Variants in RORA observed in about 807,000 individuals in gnomAD.
The protein encoded by RORA is nuclear receptor ROR-alpha.
RORA carries 7 observed loss-of-function variants against 69.5 expected under a neutral mutation model. The ratio of observed to expected loss-of-function variants is 0.10; its 90% CI spans 0.06 to 0.19. The LOEUF is 0.19. Among genes scored for constraint, RORA ranks in the 10% least tolerant of loss-of-function variants. The pLI is 1.00. For missense variants in RORA, 457 were observed against 663.0 expected (o/e 0.69, Z 3.41); for synonymous variants, 261 against 240.8 (o/e 1.08, Z -0.78).
chr15:60,514,530 G>T, intron 4 of RORA, 86 bp downstream of exon 4: 2 of 1,299,676 alleles, frequency 1.5e-6, no homozygotes, highest in East Asian at 2.4e-5. Flanking sequence ...GGCAGGCGGG[G>T]CAGATATTGG....
chr15:61,126,902 G>C (rs1156235000), intron 1 of RORA, among the ~76,000 whole-genome samples: 1 of 152,148 alleles, frequency 6.6e-6, no homozygotes, highest in Non-Finnish European at 1.5e-5. Flanking sequence ...ATAAACTAAG[G>C]CAAACAACAC....
At chr15:60,817,348 C>T (rs920045160) in intron 1 of RORA, among the ~76,000 whole-genome samples, 2 of 152,126 alleles carry the variant, frequency 1.3e-5, no homozygotes, top group Non-Finnish European at 2.9e-5. Flanking sequence ...TGCTAAAAAG[C>T]TGACACAGAA....
chr15:60,830,250 A>G (rs2140390080), intron 1 of RORA, among the ~76,000 whole-genome samples: 1 of 152,354 alleles, frequency 6.6e-6, no homozygotes, highest in African/African-American at 2.4e-5. Flanking sequence ...AAAATGTGGG[A>G]AAATACAGAT....
intron 1 of RORA, among the ~76,000 whole-genome samples, chr15:60,924,577 C>A (rs1007537149): frequency 1.3e-5 from 2 of 151,816 alleles, no homozygotes; most frequent in Admixed American, 1.3e-4. Context: ...AATTCTTGTC[C>A]TTGGATAAGT....
intron 1 of RORA, among the ~76,000 whole-genome samples, chr15:61,111,288 GT>G (rs771610827): frequency 1.3e-5 from 2 of 152,202 alleles, no homozygotes; most frequent in African/African-American, 4.8e-5. Context: ...TTTGTCTTCT[GT>G]TGAGACAGAT....
In RORA at chr15:60,678,708, C is replaced by T. The variant is rs769360436; in HGVS notation, c.167-22G>A. On this transcript the variant is annotated intron_variant, in intron 1 of 10. Coordinates refer to ENST00000335670, the MANE Select transcript of RORA (RefSeq NM_134261.3). The stretch of plus-strand genomic sequence containing the variant: ...ATACCTGGAAGAGAAGAAACAATAA[C>T]ATAGGTTAGAAAGTGCCCTGTGTGT... 7 of 1,607,304 alleles carry T rather than the reference C, an allele frequency of 4.4e-6. No homozygotes were observed. The Admixed American group carries it at 1.2e-4, about 27-fold the overall frequency.
intron 2 of RORA, among the ~76,000 whole-genome samples, chr15:60,633,709 T>C (rs1314368210): frequency 6.6e-6 from 1 of 152,204 alleles, no homozygotes; most frequent in Admixed American, 6.5e-5. Context: ...CTATCCCTCT[T>C]CCCATTGTAT....
chr15:60,530,365 C>T (rs900661113), intron 3 of RORA: 1 of 152,214 alleles, frequency 6.6e-6, no homozygotes. Context: ...GATCATAGCT[C>T]ACTGTAACCT....
intron 2 of RORA, among the ~76,000 whole-genome samples, chr15:60,555,070 T>C (rs1236388367): frequency 1.3e-5 from 2 of 152,052 alleles, no homozygotes; most frequent in African/African-American, 4.8e-5. Context: ...AAAGAAGAGG[T>C]GATAATCTTC....
chr15:61,155,703 G>C (rs1388953973), intron 1 of RORA, among the ~76,000 whole-genome samples: 1 of 151,702 alleles, frequency 6.6e-6, no homozygotes, highest in East Asian at 1.9e-4. Context: ...GCTGTGAGGG[G>C]AAAAAAAATA....
At position 61,196,281 on chromosome 15, in the gene RORA, T is replaced by G. The variant is rs190505937; in HGVS notation, c.166+32772A>C. On this transcript the variant is annotated intron_variant, in intron 1 of 10. Coordinates refer to ENST00000335670, the MANE Select transcript of RORA (RefSeq NM_134261.3). ...ATGCTGAATAGCTGCAATATCAGACTATCATCAACCAGTAGCTTGCATCAC... is the reference window on the plus strand; with the variant it reads ...ATGCTGAATAGCTGCAATATCAGACGATCATCAACCAGTAGCTTGCATCAC... 3.5e-3 allele frequency among the ~76,000 whole-genome samples: 534 copies of G among 152,374 alleles called. 1 individual carries two copies. The highest frequency in any genetic ancestry group is 5.4e-3 in the Non-Finnish European group (369 of 68,032).
intron 1 of RORA, among the ~76,000 whole-genome samples, chr15:60,946,396 T>C (rs1367965122): frequency 6.6e-6 from 1 of 152,222 alleles, no homozygotes; most frequent in African/African-American, 2.4e-5. Context: ...GCCTGCCGAG[T>C]GCCTGCGATT....
chr15:61,073,350 C>T (rs148935280), intron 1 of RORA, among the ~76,000 whole-genome samples: 5 of 152,250 alleles, frequency 3.3e-5, no homozygotes, highest in Admixed American at 3.3e-4. Flanking sequence ...AAAACCAAAA[C>T]ACTCAATCCA....
At chr15:61,017,221 G>A (rs1344947809) in intron 1 of RORA, among the ~76,000 whole-genome samples, 1 of 152,196 alleles carries the variant, frequency 6.6e-6, no homozygotes, top group African/African-American at 2.4e-5. Context: ...CCAAATGTGA[G>A]AGATTCAACA....
intron 2 of RORA, 88 bp downstream of exon 2, chr15:60,678,569 G>A (rs747343796): frequency 3.0e-6 from 3 of 984,296 alleles, no homozygotes; most frequent in Non-Finnish European, 4.9e-6. Flanking sequence ...TGAAACATTA[G>A]TATATACTTG....
chr15:60,978,961 C>CTTTT lies in RORA; in HGVS notation c.166+250088_166+250091dup, dbSNP rs543353825. On this transcript the variant is annotated intron_variant, in intron 1 of 10. Coordinates refer to ENST00000335670, the MANE Select transcript of RORA (RefSeq NM_134261.3). ...GAAGTGTGAGTCCTCCAACTTTGCTCTTTTTTTTTTTTTTTTTTGAGACGG... is the reference window on the plus strand; with the variant it reads ...GAAGTGTGAGTCCTCCAACTTTGCTCTTTTTTTTTTTTTTTTTTTTTTGAGACGG... Among the ~76,000 whole-genome samples the CTTTT allele has an allele frequency of 3.9e-4, 37 of 95,146 alleles. 5 individuals are homozygous for CTTTT. Among genetic ancestry groups the CTTTT allele is most frequent in the South Asian group, 1.1e-3 (3 of 2,728 alleles). The allele number at this position is 95,146 out of a possible 152,430, so 62.4% of individuals were successfully genotyped here. A position where few individuals can be genotyped will look rare whatever the true frequency, so the allele number is the denominator to read the frequency against.
At chr15:61,003,716 G>C (rs150421397) in intron 1 of RORA, among the ~76,000 whole-genome samples, 54 of 152,334 alleles carry the variant, frequency 3.5e-4, no homozygotes, top group Middle Eastern at 3.4e-3. Context: ...CTAGCCATGG[G>C]TGGTGGGAAG....
chr15:60,823,515 C>G (rs2072920834), intron 1 of RORA, among the ~76,000 whole-genome samples: 1 of 152,232 alleles, frequency 6.6e-6, no homozygotes, highest in African/African-American at 2.4e-5. Flanking sequence ...CAGCACACCT[C>G]ATGCCTGGCA....
intron 1 of RORA, among the ~76,000 whole-genome samples, chr15:61,162,056 A>G (rs897857087): frequency 1.3e-5 from 2 of 152,234 alleles, no homozygotes; most frequent in South Asian, 2.1e-4. Context: ...CTAAAAGTGA[A>G]TATTTTATTG....
Sources: allele counts gnomAD v4.1 joint callset (sites outside exome capture counted in the v4.1 genomes callset), GRCh38; gene constraint gnomAD v4.1.1; transcripts MANE v1.5; gene names NCBI Gene and HGNC (gene_info 2026-07-23, HGNC 2026-07-21).